GCSAM: variants seen among roughly 807,000 people sequenced by gnomAD.
GCSAM encodes germinal center associated signaling and motility.
A neutral mutation model predicts 17.6 loss-of-function variants in GCSAM; 8 were observed. The observed-to-expected ratio is 0.46, with a 90% CI of 0.27 to 0.82. GCSAM has a LOEUF of 0.82. Ranked by LOEUF, GCSAM falls within the 40% of genes least tolerant of loss-of-function variation. The probability of loss-of-function intolerance (pLI) is 0.15; values close to 1 mark genes in which losing one functional copy is unlikely to be tolerated. For missense variants in GCSAM, 192 were observed against 213.5 expected (o/e 0.90, Z 0.63); for synonymous variants, 68 against 69.0 (o/e 0.98, Z 0.07).
Position 112,122,579 on chromosome 3 carries a change from A to G in GCSAM, c.*876T>C, listed in dbSNP as rs1339937940. ...TTATTCATATTTTATACATGACATTATTAAATATATACATTTAGTATACAT... is the reference window on the plus strand; with the variant it reads ...TTATTCATATTTTATACATGACATTGTTAAATATATACATTTAGTATACAT... On this transcript the variant is annotated 3_prime_UTR_variant, in exon 6 of 6. Transcript: ENST00000308910. 1 of 152,224 alleles carries G rather than the reference A, an allele frequency of 6.6e-6. No individual in the cohort carries two copies. Among genetic ancestry groups the G allele is most frequent in the African/African-American group, 2.4e-5 (1 of 41,464 alleles). The allele number at this position is 152,224 out of a possible 1,614,324, so 9.4% of individuals were successfully genotyped here.
At chr3:112,125,035 A>T (rs1359775203) in intron 5 of GCSAM, among the ~76,000 whole-genome samples, 191 bp downstream of exon 5, 3 of 152,222 alleles carry the variant, frequency 2.0e-5, no homozygotes, top group African/African-American at 7.2e-5. Flanking sequence ...TCAATAAATT[A>T]TACAGCAGAA....
At chr3:112,126,368 C>A (rs2074318240) in intron 4 of GCSAM, among the ~76,000 whole-genome samples, 1 of 152,150 alleles carries the variant, frequency 6.6e-6, no homozygotes, top group Non-Finnish European at 1.5e-5. Flanking sequence ...CCTACACTTT[C>A]TTATTTTTAT....
chr3:112,121,632 A>T lies in GCSAM; in HGVS notation c.*1823T>A, dbSNP rs1381931148. The T allele has an allele frequency of 1.3e-5, 2 of 152,224 alleles. No homozygotes were observed. The highest frequency in any genetic ancestry group is 4.8e-5 in the African/African-American group (2 of 41,448). The allele number at this position is 152,224 out of a possible 1,614,324, so 9.4% of individuals were successfully genotyped here. A position where few individuals can be genotyped will look rare whatever the true frequency, so the allele number is the denominator to read the frequency against. ...GCTAACTGAATATTTCCTTTTGAGG[A>T]TCTGATCCTGGCCAAGGATCAGCTA... is the stretch of plus-strand genomic sequence containing the variant. On this transcript the variant is annotated 3_prime_UTR_variant, in exon 6 of 6. Coordinates refer to ENST00000308910, the MANE Select transcript of GCSAM (RefSeq NM_152785.5).
In GCSAM at chr3:112,123,656, G is replaced by T. The variant is rs1044303038; in HGVS notation, c.336C>A (p.Cys112Ter). The change falls in exon 6 of 6, where the codon TGC (cysteine) becomes TGA (stop). Residue 112 changes from cysteine (C) to a stop codon, truncating the protein, a stop_gained. Coordinates refer to ENST00000308910, the MANE Select transcript of GCSAM (RefSeq NM_152785.5). LOFTEE classifies it low-confidence loss of function (END_TRUNC). ...SAEEYYENVPCKAERPRESLG... is the reference protein window; with the variant it reads ...SAEEYYENVP Reference sequence around the variant, plus strand: ...AGGACTCTCTGGGTCTCTCAGCTTTGCAGGGAACATTCTCATAGTACTCTT... The same window carrying T: ...AGGACTCTCTGGGTCTCTCAGCTTTTCAGGGAACATTCTCATAGTACTCTT... 3 of 1,614,000 alleles carry T rather than the reference G, an allele frequency of 1.9e-6. No individual in the cohort carries two copies. Among genetic ancestry groups the T allele is most frequent in the Admixed American group, 1.7e-5 (1 of 60,000 alleles).
Position 112,133,217 on chromosome 3 carries a change from T to G in GCSAM, c.-97A>C. On this transcript the variant is annotated 5_prime_UTR_variant, in exon 1 of 6. Transcript: ENST00000308910. ...AACTCCTGACTTAAAGAAAGGGCTGTGTGGCTCTGGCCACCCGTGCAGAGA... is the reference window on the plus strand; with the variant it reads ...AACTCCTGACTTAAAGAAAGGGCTGGGTGGCTCTGGCCACCCGTGCAGAGA... 1 of 1,368,842 alleles carries G rather than the reference T, an allele frequency of 7.3e-7. No homozygotes were observed. The highest frequency in any genetic ancestry group is 1.4e-5 in the African/African-American group (1 of 70,412). 84.8% of individuals were successfully genotyped at this position (1,368,842 alleles called of 1,614,324 possible).
In GCSAM at chr3:112,123,658, A is replaced by G; in HGVS notation, c.334T>C (p.Cys112Arg). The G allele has an allele frequency of 3.7e-6, 6 of 1,614,160 alleles. No homozygotes were observed. The highest frequency in any genetic ancestry group is 5.1e-6 in the Non-Finnish European group (6 of 1,180,004). ...GACTCTCTGGGTCTCTCAGCTTTGC[A>G]GGGAACATTCTCATAGTACTCTTCA... The part of the protein sequence containing the change: ...SAEEYYENVP[C>R]KAERPRESLG... Residue 112 changes from cysteine to arginine, a missense_variant, in exon 6 of 6, where the codon TGC becomes CGC. Physicochemically the swap from Cys to Arg is radical, Grantham distance 180 (BLOSUM62 -3). Transcript: ENST00000308910.
At chr3:112,132,045 A>G (rs1224481655) in intron 1 of GCSAM, among the ~76,000 whole-genome samples, 1 of 152,212 alleles carries the variant, frequency 6.6e-6, no homozygotes, top group Non-Finnish European at 1.5e-5. Flanking sequence ...TCAAAGATAA[A>G]TAAGAAACAA....
rs138817618 is a variant in GCSAM at position 112,121,352 on chromosome 3, G to C, written c.*2103C>G. ...CCTGAATAGCCAGCTGTATCAGCATGGTTTTTTTCCGTACATCATAAAAGA... is the reference window on the plus strand; with the variant it reads ...CCTGAATAGCCAGCTGTATCAGCATCGTTTTTTTCCGTACATCATAAAAGA... On this transcript the variant is annotated 3_prime_UTR_variant, in exon 6 of 6. Coordinates refer to ENST00000308910, the MANE Select transcript of GCSAM (RefSeq NM_152785.5). 2.2e-4 allele frequency: 34 copies of C among 152,290 alleles called. No individual in the cohort carries two copies. The highest frequency in any genetic ancestry group is 8.2e-4 in the African/African-American group (34 of 41,568). 9.4% of individuals were successfully genotyped at this position (152,290 alleles called of 1,614,324 possible).
In GCSAM at chr3:112,121,382, T is replaced by G. The variant is rs2074196485; in HGVS notation, c.*2073A>C. The G allele has an allele frequency of 6.6e-6, 1 of 152,218 alleles. No homozygotes were observed. Among genetic ancestry groups the G allele is most frequent in the East Asian group, 1.9e-4 (1 of 5,200 alleles). The allele number at this position is 152,218 out of a possible 1,614,324, so 9.4% of individuals were successfully genotyped here. On this transcript the variant is annotated 3_prime_UTR_variant, in exon 6 of 6. Transcript: ENST00000308910. ...TTTTCCGTACATCATAAAAGATTTT[T>G]GTTTCTCTATGCTCTTTGATATCAT...
rs536648811 is a variant in GCSAM, at chr3:112,127,805, C to T, written c.143+212G>A. Among the ~76,000 whole-genome samples the T allele has an allele frequency of 2.6e-5, 4 of 152,256 alleles. No individual in the cohort carries two copies. The South Asian group carries it at 8.3e-4, about 32-fold the overall frequency. ...GTTTCATCTTTGCTTCTGAGGCTTTCCTGTTTGAGGAGAGCATGCGACCCA... is the reference window on the plus strand; with the variant it reads ...GTTTCATCTTTGCTTCTGAGGCTTTTCTGTTTGAGGAGAGCATGCGACCCA... On this transcript the variant is annotated intron_variant, in intron 3 of 5. Transcript: ENST00000308910.
chr3:112,127,025 AT>A lies in GCSAM; in HGVS notation c.151del (p.Ile51TyrfsTer138), dbSNP rs762814436. Reference sequence around the variant, plus strand: ...ATCTTGCCTCTTTTCAAAAATGAGTATTTTTTTCCTGTAAAAGAAAAGCAAA... The same window carrying A: ...ATCTTGCCTCTTTTCAAAAATGAGTATTTTTTCCTGTAAAAGAAAAGCAAA... ...EGCFCLPWKK[I>X]LIFEKRQDSQ... On this transcript the variant is annotated frameshift_variant, in exon 4 of 6. Coordinates refer to ENST00000308910, the MANE Select transcript of GCSAM (RefSeq NM_152785.5). LOFTEE classifies it high-confidence loss of function. 6 of 1,582,298 alleles carry A rather than the reference AT, an allele frequency of 3.8e-6. No homozygotes were observed. Among genetic ancestry groups the A allele is most frequent in the East Asian group, 2.2e-5 (1 of 44,632 alleles).
chr3:112,126,831 A>G (rs1328559781), intron 4 of GCSAM, among the ~76,000 whole-genome samples, 156 bp downstream of exon 4: 2 of 152,326 alleles, frequency 1.3e-5, no homozygotes, highest in Admixed American at 6.5e-5. Context: ...CTCACCATCT[A>G]CTGAGGACAA....
rs745789807 is a variant in GCSAM, at chr3:112,133,166, C to G, written c.-46G>C. 1 of 1,608,538 alleles carries G rather than the reference C, an allele frequency of 6.2e-7. No homozygotes were observed. The highest frequency in any genetic ancestry group is 1.1e-5 in the South Asian group (1 of 90,922). On this transcript the variant is annotated 5_prime_UTR_variant, in exon 1 of 6. Coordinates refer to ENST00000308910, the MANE Select transcript of GCSAM (RefSeq NM_152785.5). ...TTCCCCTCCGTCCCTTTACCACTTCCTTCTTGCCTTGTGCTCTGACAGGGC... is the reference window on the plus strand; with the variant it reads ...TTCCCCTCCGTCCCTTTACCACTTCGTTCTTGCCTTGTGCTCTGACAGGGC...
At chr3:112,127,094 C>G (rs534059078) in intron 3 of GCSAM, 61 bp from the exon 4 acceptor site, 3 of 1,094,720 alleles carry the variant, frequency 2.7e-6, no homozygotes, top group Non-Finnish European at 4.1e-6. Context: ...GGAAATGACA[C>G]AAGCCTACAA....
intron 4 of GCSAM, among the ~76,000 whole-genome samples, chr3:112,125,475 C>G (rs145170299): frequency 2.9e-4 from 44 of 152,310 alleles, no homozygotes; most frequent in African/African-American, 1.0e-3. Flanking sequence ...GGGGGAGACA[C>G]ATTTGGTTAG....
At chr3:112,131,399 A>G (rs2074447959) in intron 1 of GCSAM, among the ~76,000 whole-genome samples, 1 of 152,196 alleles carries the variant, frequency 6.6e-6, no homozygotes, top group South Asian at 2.1e-4. Context: ...TATGCTGACT[A>G]GATGATAACT....
At chr3:112,126,128 A>G (rs1004300699) in intron 4 of GCSAM, among the ~76,000 whole-genome samples, 1 of 152,154 alleles carries the variant, frequency 6.6e-6, no homozygotes, top group Non-Finnish European at 1.5e-5. Context: ...GAGTTTTAGC[A>G]TCTGGTCTTA....
chr3:112,126,398 C>T (rs1465998779), intron 4 of GCSAM, among the ~76,000 whole-genome samples: 1 of 152,104 alleles, frequency 6.6e-6, no homozygotes, highest in African/African-American at 2.4e-5. Context: ...TGATACAATT[C>T]ATCACACTCT....
At chr3:112,123,864 T>C in intron 5 of GCSAM, 92 bp from the exon 6 acceptor site, 5 of 1,360,746 alleles carry the variant, frequency 3.7e-6, no homozygotes, top group Admixed American at 2.2e-5. Context: ...CTTGGTCAAG[T>C]CTGTCTTCTA....
Sources: allele counts gnomAD v4.1 joint callset (sites outside exome capture counted in the v4.1 genomes callset), GRCh38; gene constraint gnomAD v4.1.1; transcripts MANE v1.5; gene names NCBI Gene and HGNC (gene_info 2026-07-23, HGNC 2026-07-21).